The following WWP2 variants were observed in gnomAD, a reference collection of about 807,000 sequenced individuals.
WWP2 encodes WW domain containing E3 ubiquitin protein ligase 2.
A neutral mutation model predicts 121.0 loss-of-function variants in WWP2; 57 were observed. That is an observed-to-expected ratio of 0.47 (90% CI 0.38 to 0.59). WWP2 has a LOEUF of 0.59. WWP2 is among the 20% of genes least tolerant of loss of function. The pLI is 0.00. For missense variants in WWP2, 962 were observed against 1,158.9 expected (o/e 0.83, Z 2.47); for synonymous variants, 449 against 441.3 (o/e 1.02, Z -0.22).
chr16:69,908,376 T>C (rs531837345), intron 8 of WWP2, among the ~76,000 whole-genome samples: 17 of 152,246 alleles, frequency 1.1e-4, no homozygotes, highest in Non-Finnish European at 2.2e-4. Flanking sequence ...ATTTTTGTCC[T>C]AAGTGCATTT....
intron 2 of WWP2, among the ~76,000 whole-genome samples, chr16:69,790,816 TCCGCCTGCCTCAGCCC>T (rs1193368931): frequency 6.6e-6 from 1 of 152,146 alleles, no homozygotes; most frequent in Non-Finnish European, 1.5e-5. Context: ...CCTCAAGTGA[TCCGCCTGCCTCAGCCC>T]CCCAAAGTGC....
At chr16:69,939,501 C>A (rs1312761250) in intron 23 of WWP2, 88 bp downstream of exon 23, 7 of 1,418,062 alleles carry the variant, frequency 4.9e-6, no homozygotes, top group Non-Finnish European at 6.9e-6. Flanking sequence ...AGCTTCATAG[C>A]CTCGAGTCTG....
At chr16:69,872,739 A>G (rs578089272) in intron 7 of WWP2, among the ~76,000 whole-genome samples, 27 of 152,316 alleles carry the variant, frequency 1.8e-4, no homozygotes, top group African/African-American at 6.5e-4. Context: ...TGCAGGGGCC[A>G]TCCCGATGGG....
chr16:69,820,947 C>T lies in WWP2; in HGVS notation c.341-19179C>T, dbSNP rs183022932. Among the ~76,000 whole-genome samples the T allele has an allele frequency of 2.4e-4, 37 of 152,360 alleles. No individual in the cohort carries two copies. In the East Asian group the frequency reaches 5.2e-3, roughly 21 times the overall value. On this transcript the variant is annotated intron_variant, in intron 4 of 23. Coordinates refer to ENST00000359154, the MANE Select transcript of WWP2 (RefSeq NM_001270454.2). ...TCTTTGCAGCCAGTGTCCGGCTCAC[C>T]TCGGAGGCTGACAGCAGGACCAGTG...
chr16:69,772,315 A>G (rs370013981), intron 1 of WWP2, among the ~76,000 whole-genome samples: 1 of 152,084 alleles, frequency 6.6e-6, no homozygotes. Context: ...AATCATTCCC[A>G]AGATAGGCTT....
At chr16:69,806,086 A>G (rs1402376796) in intron 4 of WWP2, among the ~76,000 whole-genome samples, 1 of 150,834 alleles carries the variant, frequency 6.6e-6, no homozygotes, top group African/African-American at 2.5e-5. Flanking sequence ...CTGTAGTCCC[A>G]CCTACTTGGG....
chr16:69,787,071 A>C lies in WWP2; in HGVS notation c.61A>C (p.Thr21Pro). 6.2e-7 allele frequency: 1 copy of C among 1,613,378 alleles called. No individual in the cohort carries two copies. The highest frequency in any genetic ancestry group is 8.5e-7 in the Non-Finnish European group (1 of 1,179,734). ...CCTGCCTTTTGAGAAGTCTCAGCTC[A>C]CTTTGAAAGGTGAGTGGCACTGTAT... is the stretch of plus-strand genomic sequence containing the variant. Reference protein sequence around the residue: ...VALPFEKSQLTLKVVSAKPKV... With the variant: ...VALPFEKSQLPLKVVSAKPKV... The change falls in exon 2 of 24, where the codon ACT becomes CCT. Residue 21 changes from threonine to proline, a missense_variant. Transcript: ENST00000359154.
At position 69,935,417 on chromosome 16, in the gene WWP2, G is replaced by A. The variant is rs141219274; in HGVS notation, c.1843-436G>A. Among the ~76,000 whole-genome samples the A allele has an allele frequency of 8.3e-3, 1,263 of 152,366 alleles. 16 individuals are homozygous for A. The highest frequency in any genetic ancestry group is 0.024 in the African/African-American group (991 of 41,586). The stretch of plus-strand genomic sequence containing the variant: ...TACTCACCATTGGCCGCCAGCTCTC[G>A]CTGTCGGCGGTGTCTGCATTATTTT... On this transcript the variant is annotated intron_variant, in intron 17 of 23. Coordinates refer to ENST00000359154, the MANE Select transcript of WWP2 (RefSeq NM_001270454.2). The surrounding 1 kb of genome is among the most constrained non-coding windows in gnomAD (Gnocchi z 5.2).
At position 69,933,010 on chromosome 16, in the gene WWP2, G is replaced by T. The variant is rs1423338250; in HGVS notation, c.1683-960G>T. 24 of 474,918 alleles carry T rather than the reference G, an allele frequency of 5.1e-5. No homozygotes were observed. The Admixed American group carries it at 5.6e-4, about 11-fold the overall frequency. 29.4% of individuals were successfully genotyped at this position (474,918 alleles called of 1,614,324 possible). A position where few individuals can be genotyped will look rare whatever the true frequency, so the allele number is the denominator to read the frequency against. On this transcript the variant is annotated intron_variant, in intron 16 of 23. Coordinates refer to ENST00000359154, the MANE Select transcript of WWP2 (RefSeq NM_001270454.2). The stretch of plus-strand genomic sequence containing the variant: ...TTCTGCGCTGGCCCCGTGGATGGAT[G>T]TTCCTTTTTTCCGTGGTGACCTCCT...
At chr16:69,764,704 G>C (rs2151761711) in intron 1 of WWP2, among the ~76,000 whole-genome samples, 1 of 152,292 alleles carries the variant, frequency 6.6e-6, no homozygotes, top group East Asian at 1.9e-4. Flanking sequence ...CATTGTTGTA[G>C]AGTCCAGTAT....
chr16:69,765,741 T>A (rs1281806435), intron 1 of WWP2, among the ~76,000 whole-genome samples: 1 of 152,164 alleles, frequency 6.6e-6, no homozygotes, highest in East Asian at 1.9e-4. Context: ...CGAGAATTGC[T>A]TGAGCTCGGG....
Position 69,934,182 on chromosome 16 carries a change from C to G in WWP2, c.1842+53C>G, listed in dbSNP as rs947765735. 3 of 1,598,014 alleles carry G rather than the reference C, an allele frequency of 1.9e-6. No homozygotes were observed. In the African/African-American group the frequency reaches 4.0e-5, roughly 21 times the overall value. On this transcript the variant is annotated intron_variant, in intron 17 of 23. Transcript: ENST00000359154. The stretch of plus-strand genomic sequence containing the variant: ...TTCCCTCCTCCTCTCCCTCCTCTTC[C>G]CTCTCCTGGTGAAGTGTGCCAGGGG...
intron 4 of WWP2, among the ~76,000 whole-genome samples, chr16:69,835,484 A>G (rs1304790136): frequency 6.6e-6 from 1 of 152,206 alleles, no homozygotes; most frequent in African/African-American, 2.4e-5. Flanking sequence ...CCTTTCCCCA[A>G]TGTTTAATTA....
At chr16:69,888,458 T>A (rs766378894) in intron 8 of WWP2, among the ~76,000 whole-genome samples, 14 of 152,194 alleles carry the variant, frequency 9.2e-5, no homozygotes, top group Non-Finnish European at 1.6e-4. Context: ...GAATCAATGC[T>A]ACCTTGTACT....
chr16:69,874,882 C>T (rs1225106179), intron 7 of WWP2, among the ~76,000 whole-genome samples: 2 of 152,026 alleles, frequency 1.3e-5, no homozygotes, highest in African/African-American at 2.4e-5. Context: ...AAAAGTTGGG[C>T]GTGGTGACAT....
chr16:69,768,978 G>T (rs1486243067), intron 1 of WWP2, among the ~76,000 whole-genome samples: 1 of 152,212 alleles, frequency 6.6e-6, no homozygotes, highest in Non-Finnish European at 1.5e-5. Context: ...AGCCTGTGAA[G>T]AACAGGAGAA....
chr16:69,883,400 G>GCACGCACACA (rs1555499691), intron 7 of WWP2, among the ~76,000 whole-genome samples: 1 of 145,862 alleles, frequency 6.9e-6, no homozygotes, highest in African/African-American at 2.6e-5. Flanking sequence ...AAGAATGTGC[G>GCACGCACACA]CACACACACA....
At chr16:69,902,329 T>C (rs1305246138) in intron 8 of WWP2, among the ~76,000 whole-genome samples, 1 of 152,220 alleles carries the variant, frequency 6.6e-6, no homozygotes, top group Non-Finnish European at 1.5e-5. Context: ...ATGGTTCATA[T>C]ACAACTGAAC....
At position 69,799,299 on chromosome 16, in the gene WWP2, C is replaced by G. The variant is rs369781188; in HGVS notation, c.340+4C>G. ...TTGAAGAACAATGGGGGCAAAAGTA[C>G]GTATGATGAAGGGGGTGCCGACGTG... On this transcript the variant is annotated splice_donor_region_variant and intron_variant, in intron 4 of 23. Transcript: ENST00000359154. The surrounding 1 kb of genome is among the most constrained non-coding windows in gnomAD (Gnocchi z 4.5). 1 of 1,612,438 alleles carries G rather than the reference C, an allele frequency of 6.2e-7. No individual in the cohort carries two copies. The highest frequency in any genetic ancestry group is 8.5e-7 in the Non-Finnish European group (1 of 1,179,412).
Sources: gnomAD v4.1 joint callset for allele counts (sites outside exome capture counted in the v4.1 genomes callset) on GRCh38, gnomAD v4.1.1 for gene constraint, Gnocchi (gnomAD v3.1) non-coding constraint, MANE v1.5 for transcripts, NCBI Gene and HGNC (gene_info 2026-07-23, HGNC 2026-07-21) for gene names.